UXS1: variants seen among roughly 807,000 people sequenced by gnomAD.
The protein encoded by UXS1 is UDP-glucuronate decarboxylase 1, also known as UDP-glucuronic acid decarboxylase 1.
UXS1 carries 33 observed loss-of-function variants against 62.6 expected under a neutral mutation model. The observed-to-expected ratio is 0.53, with a 90% confidence interval of 0.40 to 0.70. UXS1 has a LOEUF of 0.70. UXS1 is among the 30% of genes least tolerant of loss of function. The pLI, the probability that UXS1 is intolerant of heterozygous loss-of-function variation, is 0.00. For missense variants in UXS1, 434 were observed against 556.3 expected, an observed-to-expected ratio of 0.78 and a Z score of 2.21; for synonymous variants, 213 against 206.8, an observed-to-expected ratio of 1.03 and a Z score of -0.26.
intron 7 of UXS1, among the ~76,000 whole-genome samples, chr2:106,126,252 C>G (rs1187017394): frequency 4.6e-5 from 7 of 152,276 alleles, no homozygotes; most frequent in African/African-American, 1.7e-4. Context: ...ATGTAACTGA[C>G]CAGAACATCA....
At chr2:106,147,582 C>CA in intron 5 of UXS1, among the ~76,000 whole-genome samples, 1 of 152,126 alleles carries the variant, frequency 6.6e-6, no homozygotes, top group South Asian at 2.1e-4. Context: ...GACCCTGTCT[C>CA]AAAATAAATA....
At chr2:106,186,257 T>C (rs1442612039) in intron 1 of UXS1, among the ~76,000 whole-genome samples, 2 of 152,150 alleles carry the variant, frequency 1.3e-5, no homozygotes, top group Non-Finnish European at 2.9e-5. Context: ...TGAAGCAGCA[T>C]AGAGGCCATT....
intron 1 of UXS1, chr2:106,166,560 G>C (rs1013180356): frequency 6.4e-6 from 1 of 156,188 alleles, no homozygotes; most frequent in African/African-American, 2.4e-5. Flanking sequence ...CTTTAGTTCC[G>C]TGCTCATGAC....
chr2:106,095,012 C>A (rs1040791925), intron 14 of UXS1, among the ~76,000 whole-genome samples: 1 of 152,162 alleles, frequency 6.6e-6, no homozygotes, highest in African/African-American at 2.4e-5. Context: ...CTGTAAGTTT[C>A]TTTGGATCAT....
chr2:106,143,432 A>AAAAAAAAAAAAAAAAAG (rs1681303964), intron 6 of UXS1, among the ~76,000 whole-genome samples: 1 of 136,178 alleles, frequency 7.3e-6, no homozygotes. Flanking sequence ...AAAAAAAAAA[A>AAAAAAAAAAAAAAAAAG]AAAAAAGGTA....
chr2:106,093,849 G>T lies in UXS1; in HGVS notation c.*177C>A, dbSNP rs1280282198. 1 of 864,936 alleles carries T rather than the reference G, an allele frequency of 1.2e-6. No individual in the cohort carries two copies. The highest frequency in any genetic ancestry group is 1.6e-6 in the Non-Finnish European group (1 of 617,268). 53.6% of individuals were successfully genotyped at this position (864,936 alleles called of 1,614,324 possible). Reference sequence around the variant, plus strand: ...CAAAAAGTGCAAGGCAAAATCTGCAGTTTTTTGAGGGGAGCTTTTAGGCAC... The same window carrying T: ...CAAAAAGTGCAAGGCAAAATCTGCATTTTTTTGAGGGGAGCTTTTAGGCAC... On this transcript the variant is annotated 3_prime_UTR_variant, in exon 15 of 15. Coordinates refer to ENST00000283148, the MANE Select transcript of UXS1 (RefSeq NM_001253875.2).
At chr2:106,108,010 A>AC (rs749749753) in intron 10 of UXS1, among the ~76,000 whole-genome samples, 4 of 152,088 alleles carry the variant, frequency 2.6e-5, no homozygotes, top group Non-Finnish European at 5.9e-5. Flanking sequence ...CCCACTGCAT[A>AC]CCCCCACAGA....
intron 9 of UXS1, among the ~76,000 whole-genome samples, chr2:106,114,391 G>A (rs1170339632): frequency 6.6e-6 from 1 of 152,200 alleles, no homozygotes; most frequent in Non-Finnish European, 1.5e-5. Context: ...ACTAATGAGT[G>A]TATTAAAAAG....
At chr2:106,166,366 T>C (rs1269453619) in intron 1 of UXS1, 3 of 288,950 alleles carry the variant, frequency 1.0e-5, no homozygotes, top group African/African-American at 6.5e-5. Flanking sequence ...CAGTGACAAG[T>C]GGGCTTTTAA....
intron 13 of UXS1, among the ~76,000 whole-genome samples, chr2:106,097,896 G>A (rs1057422667): frequency 1.3e-5 from 2 of 152,230 alleles, no homozygotes; most frequent in Non-Finnish European, 2.9e-5. Flanking sequence ...GAAGACCGCT[G>A]CTTCTACTGC....
intron 9 of UXS1, 95 bp from the exon 10 acceptor site, chr2:106,112,860 A>G (rs1678732281): frequency 6.7e-6 from 10 of 1,482,084 alleles, no homozygotes; most frequent in Non-Finnish European, 9.0e-6. Context: ...TGCAGAATGG[A>G]AACGTTCTGC....
intron 1 of UXS1, among the ~76,000 whole-genome samples, chr2:106,172,191 C>G (rs1244650475): frequency 2.0e-5 from 3 of 152,206 alleles, no homozygotes; most frequent in African/African-American, 7.2e-5. Flanking sequence ...GTGGAGAACC[C>G]TTCCCAAAGG....
chr2:106,162,624 T>A (rs1173604988), intron 4 of UXS1, among the ~76,000 whole-genome samples: 1 of 152,202 alleles, frequency 6.6e-6, no homozygotes, highest in East Asian at 1.9e-4. Flanking sequence ...AAGGAAATAT[T>A]ACAAGCTGCA....
At chr2:106,172,978 T>G (rs751861283) in intron 1 of UXS1, among the ~76,000 whole-genome samples, 8 of 152,224 alleles carry the variant, frequency 5.3e-5, no homozygotes, top group Non-Finnish European at 1.0e-4. Context: ...AAAAGAGGTC[T>G]TCTGACCAAT....
At chr2:106,191,223 CT>C (rs1251862440) in intron 1 of UXS1, among the ~76,000 whole-genome samples, 1 of 152,150 alleles carries the variant, frequency 6.6e-6, no homozygotes, top group African/African-American at 2.4e-5. Flanking sequence ...GCTAACAGAA[CT>C]TGAGTTCTGT....
rs141833136 is a variant in UXS1, at chr2:106,188,763, C to T, written c.94+5385G>A. ...CAGTGCCCATCCCTACAGAGTCCCCCACTCTTAAACATGGGCAGGCCATCT... is the reference window on the plus strand; with the variant it reads ...CAGTGCCCATCCCTACAGAGTCCCCTACTCTTAAACATGGGCAGGCCATCT... On this transcript the variant is annotated intron_variant, in intron 1 of 14. Transcript: ENST00000283148. Among the ~76,000 whole-genome samples, 572 of 152,322 alleles carry T rather than the reference C, an allele frequency of 3.8e-3. 3 individuals carry two copies. Among genetic ancestry groups the T allele is most frequent in the African/African-American group, 0.013 (554 of 41,574 alleles).
chr2:106,170,547 T>C (rs987190847), intron 1 of UXS1, among the ~76,000 whole-genome samples: 4 of 152,206 alleles, frequency 2.6e-5, no homozygotes, highest in African/African-American at 7.2e-5. Flanking sequence ...AGACGCGCTA[T>C]AACCAATTAA....
intron 11 of UXS1, chr2:106,101,353 G>A: frequency 2.0e-6 from 1 of 506,152 alleles, no homozygotes. Flanking sequence ...TTTGGGTGTG[G>A]TGGAGATAGT....
intron 1 of UXS1, among the ~76,000 whole-genome samples, chr2:106,191,429 T>G (rs1463430158): frequency 6.6e-6 from 1 of 152,226 alleles, no homozygotes; most frequent in Admixed American, 6.5e-5. Context: ...TTCAGTGTCC[T>G]TCGGTGTTAT....
Sources: gnomAD v4.1 joint callset for allele counts (sites outside exome capture counted in the v4.1 genomes callset) on GRCh38, gnomAD v4.1.1 for gene constraint, MANE v1.5 for transcripts, NCBI Gene and HGNC (gene_info 2026-07-23, HGNC 2026-07-21) for gene names.